The following TFR2 variants were observed in gnomAD, a reference collection of about 807,000 sequenced individuals.
TFR2 encodes the protein transferrin receptor 2, also known as transferrin receptor protein 2.
Under a neutral mutation model 91.9 loss-of-function variants are expected in TFR2, and 64 were observed. The ratio of observed to expected loss-of-function variants is 0.70; its 90% confidence interval spans 0.57 to 0.86. The LOEUF (loss-of-function observed/expected upper bound fraction) is 0.86, where lower values mean the gene tolerates loss of function less well. Ranked by LOEUF, TFR2 falls within the 40% of genes least tolerant of loss-of-function variation. The probability of loss-of-function intolerance (pLI) is 0.00; values close to 1 mark genes in which losing one functional copy is unlikely to be tolerated. For missense variants in TFR2, 950 were observed against 1,080.5 expected, an observed-to-expected ratio of 0.88 and a Z score of 1.69; for synonymous variants, 454 against 459.6, an observed-to-expected ratio of 0.99 and a Z score of 0.15.
intron 8 of TFR2, 137 bp downstream of exon 8, chr7:100,631,669 G>A (rs1803439020): frequency 5.9e-6 from 7 of 1,189,146 alleles, no homozygotes; most frequent in Non-Finnish European, 8.2e-6. Context: ...AGGCTGGAGT[G>A]CAGTGGTGTA....
intron 8 of TFR2, 149 bp from the exon 9 acceptor site, chr7:100,631,201 C>A: frequency 1.1e-6 from 1 of 933,242 alleles, no homozygotes; most frequent in Non-Finnish European, 1.5e-6. Flanking sequence ...GCAGTCAGGG[C>A]TGCCTTGGAT....
chr7:100,627,796 GC>G lies in TFR2; in HGVS notation c.1629del (p.Gln544ArgfsTer18), dbSNP rs749211542. ...AACACCACCTGTTCATAGAGAGTCTGCCCACTGTGGTTGGGAGAATCCACCT... is the reference window on the plus strand; with the variant it reads ...AACACCACCTGTTCATAGAGAGTCTGCCACTGTGGTTGGGAGAATCCACCT... The part of the protein sequence containing the change: ...LKQVDSPNHS[G>X]QTLYEQVVFT... On this transcript the variant is annotated frameshift_variant, in exon 14 of 18. Transcript: ENST00000223051. LOFTEE classifies it high-confidence loss of function. The G allele has an allele frequency of 2.5e-6, 4 of 1,613,968 alleles. No homozygotes were observed. Among genetic ancestry groups the G allele is most frequent in the Admixed American group, 3.3e-5 (2 of 60,006 alleles).
intron 17 of TFR2, 149 bp downstream of exon 17, chr7:100,626,614 G>T: frequency 1.4e-6 from 2 of 1,456,668 alleles, no homozygotes; most frequent in Non-Finnish European, 1.8e-6. Context: ...TGAGCACTGC[G>T]TGTCCAGGAC....
chr7:100,628,063 C>A lies in TFR2; in HGVS notation c.1537+10G>T. The A allele has an allele frequency of 6.2e-7, 1 of 1,614,106 alleles. No homozygotes were observed. The highest frequency in any genetic ancestry group is 1.1e-5 in the South Asian group (1 of 91,082). The stretch of plus-strand genomic sequence containing the variant: ...CCAGGGGGCCAGGTGGTGGCACTGC[C>A]CCAGCTCACCCAGCACTGCGTTGTC... On this transcript the variant is annotated intron_variant, in intron 12 of 17. Transcript: ENST00000223051.
At chr7:100,637,835 A>ATTT (rs71126327) in intron 3 of TFR2, among the ~76,000 whole-genome samples, 3 of 144,138 alleles carry the variant, frequency 2.1e-5, no homozygotes, top group Non-Finnish European at 4.5e-5. Context: ...ATGTAATTTA[A>ATTT]TTTTTTTTTT....
chr7:100,630,413 C>T (rs1015890889), intron 9 of TFR2, among the ~76,000 whole-genome samples: 6 of 152,132 alleles, frequency 3.9e-5, no homozygotes, highest in Admixed American at 1.3e-4. Flanking sequence ...TCCGAGCCTC[C>T]GGAATAGCTG....
chr7:100,633,022 C>A lies in TFR2; in HGVS notation c.828G>T (p.Gly276=). 1 of 1,613,818 alleles carries A rather than the reference C, an allele frequency of 6.2e-7. No individual in the cohort carries two copies. Among genetic ancestry groups the A allele is most frequent in the Non-Finnish European group, 8.5e-7 (1 of 1,179,998 alleles). The change falls in exon 6 of 18, where the codon GGG becomes GGT. Residue 276 remains glycine (G), a synonymous_variant. Transcript: ENST00000223051. The part of the protein sequence containing the change: ...PVGRLLLVRV[G]VISFAQKVTN... ...TTACCTTCTGGGCGAAGCTGATCAC[C>A]CCCACGCGCACCAGCAGCAGGCGGC...
intron 9 of TFR2, 141 bp from the exon 10 acceptor site, chr7:100,629,513 C>A: frequency 1.3e-6 from 2 of 1,516,302 alleles, no homozygotes; most frequent in Non-Finnish European, 1.8e-6. Flanking sequence ...AAGAGGGCGC[C>A]CCTCCCCACT....
intron 17 of TFR2, among the ~76,000 whole-genome samples, chr7:100,621,686 TC>T (rs1315493407): frequency 6.6e-6 from 1 of 151,806 alleles, no homozygotes; most frequent in East Asian, 1.9e-4. Flanking sequence ...ACACCACACC[TC>T]CCCACACCGA....
chr7:100,622,648 G>T (rs180706929), intron 17 of TFR2, among the ~76,000 whole-genome samples: 8 of 152,320 alleles, frequency 5.3e-5, no homozygotes, highest in Admixed American at 3.9e-4. Context: ...CCTCTAGCAT[G>T]TGGTAACCTT....
At chr7:100,626,393 G>A (rs1803249798) in intron 17 of TFR2, 2 of 921,782 alleles carry the variant, frequency 2.2e-6, no homozygotes, top group African/African-American at 1.8e-5. Context: ...CTGTAACCTC[G>A]TATTGTGGAC....
At position 100,620,741 on chromosome 7, in the gene TFR2, GA is replaced by G; in HGVS notation, c.*115del. ...GTGGAGAGATGTGTAGGGGTAATGAGAAATTGATCAGCAATGAGAGGTGGAC... is the reference window on the plus strand; with the variant it reads ...GTGGAGAGATGTGTAGGGGTAATGAGAATTGATCAGCAATGAGAGGTGGAC... On this transcript the variant is annotated 3_prime_UTR_variant, in exon 18 of 18. Coordinates refer to ENST00000223051, the MANE Select transcript of TFR2 (RefSeq NM_003227.4). The G allele has an allele frequency of 6.9e-7, 1 of 1,447,592 alleles. No homozygotes were observed. The highest frequency in any genetic ancestry group is 1.4e-5 in the African/African-American group (1 of 71,530). 89.7% of individuals were successfully genotyped at this position (1,447,592 alleles called of 1,614,324 possible). A position where few individuals can be genotyped will look rare whatever the true frequency, so the allele number is the denominator to read the frequency against.
At chr7:100,628,516 C>T (rs1233444421) in intron 10 of TFR2, among the ~76,000 whole-genome samples, 1 of 152,102 alleles carries the variant, frequency 6.6e-6, no homozygotes, top group Non-Finnish European at 1.5e-5. Flanking sequence ...CCTCTTGCCT[C>T]AGCCTCCCAA....
chr7:100,626,645 G>T, intron 17 of TFR2, 118 bp downstream of exon 17: 8 of 1,492,962 alleles, frequency 5.4e-6, no homozygotes, highest in Non-Finnish European at 7.1e-6. Context: ...GCATCCAGAG[G>T]ACCGGGACTG....
At chr7:100,632,040 C>G (rs569483376) in intron 7 of TFR2, 42 bp downstream of exon 7, 21 of 1,613,878 alleles carry the variant, frequency 1.3e-5, no homozygotes, top group Non-Finnish European at 1.8e-5. Context: ...AAGGTGTGGC[C>G]TCGGGACCTG....
At chr7:100,632,621 C>G (rs1435935069) in intron 6 of TFR2, 14 of 335,764 alleles carry the variant, frequency 4.2e-5, no homozygotes, top group South Asian at 3.0e-4. Flanking sequence ...GCGATCATAG[C>G]TCACTGCAGC....
In TFR2 at chr7:100,627,594, C is replaced by T; in HGVS notation, c.1750G>A (p.Glu584Lys). The change falls in exon 15 of 18, where the codon GAG (glutamate) becomes AAG (lysine). Residue 584 changes from glutamate (E) to lysine (K), a missense_variant. Physicochemically the swap from Glu to Lys is moderately conservative, Grantham distance 56. Transcript: ENST00000223051. ...FTAFVGVPAV[E>K]FSFMEDDQAY... Reference sequence around the variant, plus strand: ...CGTCTCACCTCCATAAAGGAGAACTCGACGGCAGGGACTCCCACAAAGGCC... The same window carrying T: ...CGTCTCACCTCCATAAAGGAGAACTTGACGGCAGGGACTCCCACAAAGGCC... 1 of 1,614,074 alleles carries T rather than the reference C, an allele frequency of 6.2e-7. No individual in the cohort carries two copies. The highest frequency in any genetic ancestry group is 8.5e-7 in the Non-Finnish European group (1 of 1,179,996).
chr7:100,629,755 T>G (rs1803376889), intron 9 of TFR2, among the ~76,000 whole-genome samples: 1 of 152,180 alleles, frequency 6.6e-6, no homozygotes, highest in Non-Finnish European at 1.5e-5. Flanking sequence ...ATTTATTTAT[T>G]TAATTTATTT....
Position 100,641,102 on chromosome 7 carries a change from T to G in TFR2, c.160A>C (p.Met54Leu). The G allele has an allele frequency of 6.3e-7, 1 of 1,595,910 alleles. No individual in the cohort carries two copies. Among genetic ancestry groups the G allele is most frequent in the Non-Finnish European group, 8.5e-7 (1 of 1,170,798 alleles). Residue 54 changes from methionine (M) to leucine (L), a missense_variant, in exon 2 of 18, where the codon ATG becomes CTG. Coordinates refer to ENST00000223051, the MANE Select transcript of TFR2 (RefSeq NM_003227.4). ...GAETLAHFCPMELRGPEPLGS... is the reference protein window; with the variant it reads ...GAETLAHFCPLELRGPEPLGS... ...AGGGGCTCAGGGCCCCTCAGCTCCATGGGGCAGAAGTGGGCCAATGTCTCC... is the reference window on the plus strand; with the variant it reads ...AGGGGCTCAGGGCCCCTCAGCTCCAGGGGGCAGAAGTGGGCCAATGTCTCC...
Sources: allele counts gnomAD v4.1 joint callset (sites outside exome capture counted in the v4.1 genomes callset), GRCh38; gene constraint gnomAD v4.1.1; transcripts MANE v1.5; gene names NCBI Gene and HGNC (gene_info 2026-07-23, HGNC 2026-07-21).